TSPEAR: variants seen among roughly 807,000 people sequenced by gnomAD.
TSPEAR encodes thrombospondin type laminin G domain and EAR repeats.
In TSPEAR, 69 loss-of-function variants were observed where a neutral mutation model predicts 71.6. That is an observed-to-expected ratio of 0.96 (90% CI 0.79 to 1.18). The LOEUF is 1.18. Among genes scored for constraint, TSPEAR ranks in the 50% most tolerant of loss-of-function variants. The probability of loss-of-function intolerance (pLI) is 0.00; values close to 1 mark genes in which losing one functional copy is unlikely to be tolerated. For missense variants in TSPEAR, 971 were observed against 894.9 expected (o/e 1.09, Z -1.09); for synonymous variants, 402 against 387.2 (o/e 1.04, Z -0.45).
intron 1 of TSPEAR, among the ~76,000 whole-genome samples, chr21:44,658,945 G>C (rs2146263511): frequency 6.6e-6 from 1 of 152,208 alleles, no homozygotes; most frequent in African/African-American, 2.4e-5. Flanking sequence ...TACCTCAAAG[G>C]ATTACTGTGG....
At chr21:44,689,739 A>ATT (rs1420649057) in intron 1 of TSPEAR, among the ~76,000 whole-genome samples, 3 of 128,172 alleles carry the variant, frequency 2.3e-5, no homozygotes, top group African/African-American at 6.3e-5. Flanking sequence ...ATATATATAT[A>ATT]TTTTGGGGGG....
intron 1 of TSPEAR, chr21:44,600,921 T>C (rs371985381): frequency 2.6e-4 from 408 of 1,598,612 alleles, no homozygotes; most frequent in Middle Eastern, 3.4e-4. Context: ...TGGCTTGCTG[T>C]GCCTCCTCCC....
At position 44,650,364 on chromosome 21, in the gene TSPEAR, T is replaced by G. The variant is rs587703630; in HGVS notation, c.82+61069A>C. ...CCCTGAGCCAACACCACTTCTGTTT[T>G]TATAAAAAGGCAAAATTTGCACACG... On this transcript the variant is annotated intron_variant, in intron 1 of 11. Transcript: ENST00000323084. Among the ~76,000 whole-genome samples, 7 of 131,750 alleles carry G rather than the reference T, an allele frequency of 5.3e-5. No individual in the cohort carries two copies. The East Asian group carries it at 1.1e-3, about 20-fold the overall frequency. The allele number at this position is 131,750 out of a possible 152,430, so 86.4% of individuals were successfully genotyped here.
chr21:44,654,474 C>T, intron 1 of TSPEAR: 1 of 1,613,948 alleles, frequency 6.2e-7, no homozygotes, highest in Non-Finnish European at 8.5e-7. Flanking sequence ...CACACAGGGG[C>T]CGGCACAGCA....
intron 1 of TSPEAR, chr21:44,677,926 A>G: frequency 2.2e-6 from 3 of 1,394,028 alleles, no homozygotes; most frequent in Admixed American, 3.7e-5. Flanking sequence ...CCTCCACCAA[A>G]AAACAAAAGG....
intron 7 of TSPEAR, among the ~76,000 whole-genome samples, chr21:44,526,695 G>T (rs1052844592): frequency 1.5e-4 from 23 of 152,248 alleles, no homozygotes; most frequent in African/African-American, 4.8e-4. Context: ...AGGAGGTGCT[G>T]TCTCTAGGAC....
chr21:44,690,533 C>T, intron 1 of TSPEAR: 2 of 985,182 alleles, frequency 2.0e-6, no homozygotes, highest in Non-Finnish European at 2.4e-6. Flanking sequence ...GCACTGAAGG[C>T]TACAGACTCA....
At chr21:44,601,244 G>A in intron 1 of TSPEAR, 2 of 1,608,986 alleles carry the variant, frequency 1.2e-6, no homozygotes, top group Non-Finnish European at 1.7e-6. Context: ...ACGCCCTCGT[G>A]CTGCCAGCAG....
intron 1 of TSPEAR, among the ~76,000 whole-genome samples, chr21:44,660,732 C>T (rs148579475): frequency 0.021 from 3,198 of 152,130 alleles, 114 homozygotes; most frequent in African/African-American, 0.073. Flanking sequence ...TTTGGGAGGC[C>T]GAGGTGGGTG....
intron 1 of TSPEAR, among the ~76,000 whole-genome samples, chr21:44,678,764 C>T (rs184935477): frequency 1.3e-5 from 2 of 152,088 alleles, no homozygotes; most frequent in Non-Finnish European, 2.9e-5. Context: ...AACTGATAAA[C>T]AAATTTAGTA....
chr21:44,687,174 C>T lies in TSPEAR; in HGVS notation c.82+24259G>A, dbSNP rs1013016555. On this transcript the variant is annotated intron_variant, in intron 1 of 11. Coordinates refer to ENST00000323084, the MANE Select transcript of TSPEAR (RefSeq NM_144991.3). This position sits in a 1 kb window ranked among gnomAD's most constrained non-coding sequence, Gnocchi z 4.4. ...GTGTCAGAAGGGCTTTCCCCCAGCA[C>T]GCGTTTCCCCAGAGGCTGGATTGGG... is the stretch of plus-strand genomic sequence containing the variant. 1.4e-4 allele frequency among the ~76,000 whole-genome samples: 21 copies of T among 152,282 alleles called. No individual in the cohort carries two copies. Among genetic ancestry groups the T allele is most frequent in the Non-Finnish European group, 2.9e-4 (20 of 68,028 alleles).
chr21:44,568,669 C>A (rs587663846), intron 1 of TSPEAR, among the ~76,000 whole-genome samples: 1 of 152,292 alleles, frequency 6.6e-6, no homozygotes, highest in African/African-American at 2.4e-5. Context: ...TAGCAGAGGG[C>A]TGCAGATCAG....
In TSPEAR at chr21:44,574,978, C is replaced by T. The variant is rs782068666; in HGVS notation, c.83-6973G>A. The T allele has an allele frequency of 1.1e-5, 17 of 1,611,642 alleles. No individual in the cohort carries two copies. The Admixed American group carries it at 2.7e-4, about 25-fold the overall frequency. On this transcript the variant is annotated intron_variant, in intron 1 of 11. Coordinates refer to ENST00000323084, the MANE Select transcript of TSPEAR (RefSeq NM_144991.3). The stretch of plus-strand genomic sequence containing the variant: ...TCCCTCCTCTGACGCCCCGTGTGCT[C>T]CCGCCCAGCCTGCTGAGGCCTCCGC...
At chr21:44,661,095 G>A (rs1985462772) in intron 1 of TSPEAR, among the ~76,000 whole-genome samples, 1 of 152,088 alleles carries the variant, frequency 6.6e-6, no homozygotes, top group Admixed American at 6.5e-5. Context: ...CTAACACGGT[G>A]AAACCCGTCT....
At chr21:44,702,809 G>A (rs13050276) in intron 1 of TSPEAR, 343,909 of 1,177,120 alleles carry the variant, frequency 0.29, 52,806 homozygotes, top group Admixed American at 0.39. Context: ...TGACGGGCAC[G>A]TCCCCCAGGG....
At position 44,578,856 on chromosome 21, in the gene TSPEAR, C is replaced by T. The variant is rs75542657; in HGVS notation, c.83-10851G>A. 3.6e-4 allele frequency among the ~76,000 whole-genome samples: 55 copies of T among 152,296 alleles called. 1 individual carries two copies. The East Asian group carries it at 3.9e-3, about 11-fold the overall frequency. On this transcript the variant is annotated intron_variant, in intron 1 of 11. Coordinates refer to ENST00000323084, the MANE Select transcript of TSPEAR (RefSeq NM_144991.3). ...TCAACCTCACCTAAGAGGGGCCTGA[C>T]GCACGGTCCTGCAGGTGCGGACTCT... is the stretch of plus-strand genomic sequence containing the variant.
chr21:44,557,983 G>C, intron 2 of TSPEAR: 7 of 1,549,906 alleles, frequency 4.5e-6, no homozygotes, highest in Non-Finnish European at 5.2e-6. Context: ...ACAGGGCTCA[G>C]GGCTGCAAGG....
rs587774084 is a variant in TSPEAR, at chr21:44,593,327, C to T, written c.83-25322G>A. 6.6e-6 allele frequency among the ~76,000 whole-genome samples: 1 copy of T among 152,294 alleles called. No individual in the cohort carries two copies. The highest frequency in any genetic ancestry group is 2.4e-5 in the African/African-American group (1 of 41,564). ...GCCCCCACCCAGCCTCCTGCTGGGCCCATTTCCCAGCCCTGTCTTCCAAGC... is the reference window on the plus strand; with the variant it reads ...GCCCCCACCCAGCCTCCTGCTGGGCTCATTTCCCAGCCCTGTCTTCCAAGC... On this transcript the variant is annotated intron_variant, in intron 1 of 11. Transcript: ENST00000323084. The surrounding 1 kb of genome is among the most constrained non-coding windows in gnomAD (Gnocchi z 5.9).
rs1250789996 is a variant in TSPEAR, at chr21:44,681,672, G to A, written c.82+29761C>T. On this transcript the variant is annotated intron_variant, in intron 1 of 11. Coordinates refer to ENST00000323084, the MANE Select transcript of TSPEAR (RefSeq NM_144991.3). ...GGGGGGATAGGCAAGTTCAGCCAGG[G>A]CTCCAGATCATTCTATTATATTCTC... 4.1e-6 allele frequency: 4 copies of A among 985,634 alleles called. No individual in the cohort carries two copies. In the East Asian group the frequency reaches 7.8e-5, roughly 19 times the overall value. 61.1% of individuals were successfully genotyped at this position (985,634 alleles called of 1,614,324 possible). A position where few individuals can be genotyped will look rare whatever the true frequency, so the allele number is the denominator to read the frequency against.
Sources: allele counts gnomAD v4.1 joint callset (sites outside exome capture counted in the v4.1 genomes callset), GRCh38; gene constraint gnomAD v4.1.1; non-coding constraint Gnocchi (gnomAD v3.1); transcripts MANE v1.5; gene names NCBI Gene and HGNC (gene_info 2026-07-23, HGNC 2026-07-21).